The following SAMSN1 variants were observed in gnomAD, a reference collection of about 807,000 sequenced individuals.
SAMSN1 encodes SAM domain, SH3 domain and nuclear localization signals 1.
In SAMSN1, 31 loss-of-function variants were observed where a neutral mutation model predicts 42.0. That is an observed-to-expected ratio of 0.74 (90% confidence interval 0.55 to 1.00). SAMSN1 has a LOEUF of 1.00. Ranked by LOEUF, SAMSN1 falls within the 50% of genes least tolerant of loss-of-function variation. The pLI is 0.00. For missense variants in SAMSN1, 464 were observed against 439.4 expected, an observed-to-expected ratio of 1.06 and a Z score of -0.50; for synonymous variants, 178 against 151.9, an observed-to-expected ratio of 1.17 and a Z score of -1.26.
chr21:14,619,072 T>A (rs1982934362), intron 2 of SAMSN1, among the ~76,000 whole-genome samples: 1 of 152,220 alleles, frequency 6.6e-6, no homozygotes. Context: ...CACTTCCGTA[T>A]ATAAAATTAG....
intron 1 of SAMSN1, chr21:14,523,275 G>C (rs1978613618): frequency 6.6e-6 from 1 of 152,112 alleles, no homozygotes; most frequent in Non-Finnish European, 1.5e-5. Context: ...CCTGACCTCT[G>C]GCAAGGGGTT....
chr21:14,560,470 A>G lies in SAMSN1; in HGVS notation c.261+21666T>C, dbSNP rs916029653. On this transcript the variant is annotated intron_variant, in intron 2 of 8. Transcript: ENST00000285670. ...AATCTTAGAGCAAAGATTAAACTTC[A>G]AAACATGTCTCTTTCTTTGTTCAGG... is the stretch of plus-strand genomic sequence containing the variant. 2.2e-4 allele frequency among the ~76,000 whole-genome samples: 34 copies of G among 152,322 alleles called. 6 individuals are homozygous for G. The highest frequency in any genetic ancestry group is 1.2e-3 in the Admixed American group (19 of 15,296).
upstream of SAMSN1, chr21:14,583,908 C>G (rs1436323347): frequency 3.6e-6 from 2 of 557,938 alleles, no homozygotes; most frequent in East Asian, 6.0e-5. Context: ...TCAATTTAAG[C>G]ACTAACTTGA....
intron 5 of SAMSN1, among the ~76,000 whole-genome samples, chr21:14,606,863 T>A (rs1982583172): frequency 6.6e-6 from 1 of 152,212 alleles, no homozygotes; most frequent in South Asian, 2.1e-4. Flanking sequence ...TACAGTCATG[T>A]TGTTGAGCTA....
chr21:14,598,644 G>A (rs1982342298), intron 6 of SAMSN1, among the ~76,000 whole-genome samples: 1 of 152,154 alleles, frequency 6.6e-6, no homozygotes, highest in African/African-American at 2.4e-5. Flanking sequence ...CCTGCTACCT[G>A]ATTCTGTGTA....
At chr21:14,600,772 A>G (rs1982407794) in intron 6 of SAMSN1, among the ~76,000 whole-genome samples, 1 of 152,164 alleles carries the variant, frequency 6.6e-6, no homozygotes, top group Non-Finnish European at 1.5e-5. Context: ...CTTAGATATT[A>G]TATCTGAGGT....
upstream of SAMSN1, among the ~76,000 whole-genome samples, chr21:14,549,378 A>G (rs904459980): frequency 2.0e-5 from 3 of 152,308 alleles, no homozygotes; most frequent in South Asian, 2.1e-4. Flanking sequence ...CACTGGTTCA[A>G]TGGATGAAGG....
chr21:14,643,028 C>G lies in SAMSN1; in HGVS notation c.130G>C (p.Glu44Gln), dbSNP rs975653346. 23 of 717,080 alleles carry G rather than the reference C, an allele frequency of 3.2e-5. No homozygotes were observed. The African/African-American group carries it at 3.3e-4, about 10-fold the overall frequency. 44.4% of individuals were successfully genotyped at this position (717,080 alleles called of 1,614,324 possible). ...ACGAAGAGATTGTTTGGTGTTTGTT[C>G]ACTCTCTCCAAAGGGTGGGATAGGA... The change falls in exon 2 of 16, where the codon GAA (glutamate) becomes CAA (glutamine). Residue 44 changes from glutamate (E) to glutamine (Q), a missense_variant. Glu to Gln is a conservative substitution (Grantham distance 29). Coordinates refer to the SAMSN1 transcript ENST00000647101.
At position 14,546,165 on chromosome 21, in the gene SAMSN1, A is replaced by G. The variant is rs768761691; in HGVS notation, c.57+40T>C. 5 of 1,540,772 alleles carry G rather than the reference A, an allele frequency of 3.2e-6. No individual in the cohort carries two copies. In the South Asian group the frequency reaches 4.5e-5, roughly 14 times the overall value. ...CACATATGTGTTTATTTTCTATTAA[A>G]TAGTTTGATTTTATTTAACTATGTA... On this transcript the variant is annotated intron_variant, in intron 1 of 7. Transcript: ENST00000400566.
upstream of SAMSN1, among the ~76,000 whole-genome samples, chr21:14,584,635 A>T (rs457393): frequency 0.66 from 100,693 of 152,044 alleles, 35,599 homozygotes; most frequent in Non-Finnish European, 0.79. Context: ...AATTCACTAG[A>T]TGTGATGTAA....
At chr21:14,587,618 C>T (rs184719058), upstream of SAMSN1, among the ~76,000 whole-genome samples, 3 of 152,264 alleles carry the variant, frequency 2.0e-5, no homozygotes, top group African/African-American at 7.2e-5. Flanking sequence ...ACACATACCA[C>T]TTTTAATATC....
chr21:14,496,144 T>A (rs930587399), intron 7 of SAMSN1: 1 of 152,222 alleles, frequency 6.6e-6, no homozygotes, highest in African/African-American at 2.4e-5. Context: ...CAGGCAGCCA[T>A]GGAAGCCTCT....
intron 1 of SAMSN1, among the ~76,000 whole-genome samples, chr21:14,540,172 C>T (rs1480293743): frequency 6.6e-6 from 1 of 152,124 alleles, no homozygotes; most frequent in Non-Finnish European, 1.5e-5. Context: ...CATGTTAGAC[C>T]TAAAACCATA....
chr21:14,494,661 C>A (rs957977365), intron 7 of SAMSN1, among the ~76,000 whole-genome samples: 3 of 148,808 alleles, frequency 2.0e-5, no homozygotes, highest in Non-Finnish European at 4.4e-5. Context: ...ACCTGTGTAA[C>A]AAACCTCCAT....
intron 2 of SAMSN1, among the ~76,000 whole-genome samples, chr21:14,570,031 G>T (rs1246958577): frequency 6.6e-6 from 1 of 151,602 alleles, no homozygotes; most frequent in Non-Finnish European, 1.5e-5. Flanking sequence ...AGTTACAGTG[G>T]CTTGCATCAA....
At chr21:14,517,377 C>A (rs1019501873) in intron 2 of SAMSN1, among the ~76,000 whole-genome samples, 1 of 152,112 alleles carries the variant, frequency 6.6e-6, no homozygotes, top group East Asian at 1.9e-4. Flanking sequence ...ATATTAAACA[C>A]CAGGTATAAG....
intron 2 of SAMSN1, among the ~76,000 whole-genome samples, chr21:14,637,303 T>G (rs983494501): frequency 2.6e-5 from 4 of 152,226 alleles, no homozygotes; most frequent in Non-Finnish European, 4.4e-5. Context: ...GATTTCAAAG[T>G]GTTAGTTTAG....
chr21:14,618,261 T>C (rs1982895849), intron 2 of SAMSN1, among the ~76,000 whole-genome samples: 2 of 152,214 alleles, frequency 1.3e-5, no homozygotes, highest in Admixed American at 1.3e-4. Context: ...TTTTAATCTC[T>C]ATTAAGATGA....
At chr21:14,568,515 G>C (rs1010603082) in intron 2 of SAMSN1, among the ~76,000 whole-genome samples, 1 of 152,190 alleles carries the variant, frequency 6.6e-6, no homozygotes, top group African/African-American at 2.4e-5. Context: ...TCCCCCCAGT[G>C]ATGGCTTAAT....
Sources: allele counts gnomAD v4.1 joint callset (sites outside exome capture counted in the v4.1 genomes callset), GRCh38; gene constraint gnomAD v4.1.1; transcripts MANE v1.5; gene names NCBI Gene and HGNC (gene_info 2026-07-23, HGNC 2026-07-21).